ATF6: variants seen among roughly 807,000 people sequenced by gnomAD.
ATF6 encodes the protein cyclic AMP-dependent transcription factor ATF-6 alpha.
Under a neutral mutation model 83.6 loss-of-function variants are expected in ATF6, and 53 were observed. The observed-to-expected ratio is 0.63, with a 90% CI of 0.51 to 0.80. The LOEUF (loss-of-function observed/expected upper bound fraction) is 0.80. ATF6 is among the 30% of genes least tolerant of loss of function. ATF6 has a pLI of 0.00. For missense variants in ATF6, 744 were observed against 797.9 expected (o/e 0.93, Z 0.81); for synonymous variants, 288 against 285.8 (o/e 1.01, Z -0.08).
intron 9 of ATF6, among the ~76,000 whole-genome samples, chr1:161,835,907 A>T (rs1369226345): frequency 6.6e-6 from 1 of 152,198 alleles, no homozygotes; most frequent in Admixed American, 6.5e-5. Flanking sequence ...GTTAGGTCTT[A>T]AAAAAATTAA....
intron 9 of ATF6, among the ~76,000 whole-genome samples, chr1:161,824,455 A>G (rs1415730391): frequency 6.7e-6 from 1 of 150,350 alleles, no homozygotes; most frequent in Non-Finnish European, 1.5e-5. Flanking sequence ...CTAAATGTCT[A>G]TCCCAGCTCC....
At chr1:161,766,487 C>G in intron 1 of ATF6, 45 bp downstream of exon 1, 2 of 1,584,940 alleles carry the variant, frequency 1.3e-6, no homozygotes, top group Middle Eastern at 1.7e-4. Context: ...GGGTTCGCGT[C>G]TAAAGGTTTC....
chr1:161,857,918 A>G (rs935948317), intron 12 of ATF6, among the ~76,000 whole-genome samples: 45 of 152,308 alleles, frequency 3.0e-4, no homozygotes, highest in Middle Eastern at 3.4e-3. Context: ...TATAATCTCT[A>G]GAGCAACTAC....
chr1:161,802,083 G>A lies in ATF6; in HGVS notation c.720G>A (p.Val240=). 1.2e-6 allele frequency: 2 copies of A among 1,614,004 alleles called. No individual in the cohort carries two copies. The highest frequency in any genetic ancestry group is 1.7e-6 in the Non-Finnish European group (2 of 1,179,968). Residue 240 remains valine, a synonymous_variant, in exon 7 of 16, where the codon GTG becomes GTA. Transcript: ENST00000367942. ...GQTVLLSQPT[V]VQLQAPGVLP... is the part of the protein sequence containing the mutation. ...CGGTTTTGCTGTCTCAGCCTACTGT[G>A]GTACAACTTCAAGCACCTGGAGTTC...
intron 14 of ATF6, among the ~76,000 whole-genome samples, chr1:161,885,478 TGAAGCTGTATGCTATTGATGGGAGGA>T (rs1687401097): frequency 6.6e-6 from 1 of 152,170 alleles, no homozygotes; most frequent in Admixed American, 6.6e-5. Flanking sequence ...AAGCAGAATG[TGAAGCTGTATGCTATTGATGGGAGGA>T]AAAAAGAAAT....
intron 9 of ATF6, among the ~76,000 whole-genome samples, chr1:161,825,419 C>G (rs192609793): frequency 6.6e-6 from 1 of 152,174 alleles, no homozygotes; most frequent in Admixed American, 6.5e-5. Flanking sequence ...AAAGACTGCC[C>G]CTGACTTCAG....
intron 14 of ATF6, among the ~76,000 whole-genome samples, chr1:161,870,147 G>A (rs1044373503): frequency 4.0e-5 from 6 of 151,588 alleles, no homozygotes; most frequent in Admixed American, 3.9e-4. Flanking sequence ...TGAAAAATCT[G>A]CTGGACAGTT....
chr1:161,871,523 A>G (rs1351386027), intron 14 of ATF6, among the ~76,000 whole-genome samples: 9 of 151,688 alleles, frequency 5.9e-5, no homozygotes, highest in Non-Finnish European at 4.4e-5. Context: ...GTAGGATTTA[A>G]TGATTGATAG....
chr1:161,892,207 G>T (rs1215883069), intron 14 of ATF6: 2 of 152,162 alleles, frequency 1.3e-5, no homozygotes, highest in Non-Finnish European at 2.9e-5. Context: ...TGGCCTGAGT[G>T]TGCTTATCTG....
intron 14 of ATF6, among the ~76,000 whole-genome samples, chr1:161,910,545 T>C (rs2101887254): frequency 6.6e-6 from 1 of 152,364 alleles, no homozygotes. Flanking sequence ...ATGGCATCTG[T>C]ATCTTAGCAG....
At chr1:161,947,366 C>A (rs184639958) in intron 15 of ATF6, among the ~76,000 whole-genome samples, 2 of 152,126 alleles carry the variant, frequency 1.3e-5, no homozygotes, top group South Asian at 4.1e-4. Flanking sequence ...GATTAGATGT[C>A]GAGGGTAATC....
rs985684459 is a variant in ATF6, at chr1:161,962,916, G to A, written c.*4262G>A. The A allele has an allele frequency of 1.2e-4, 19 of 152,142 alleles. No homozygotes were observed. The highest frequency in any genetic ancestry group is 4.6e-4 in the African/African-American group (19 of 41,418). The allele number at this position is 152,142 out of a possible 1,614,324, so 9.4% of individuals were successfully genotyped here. A position where few individuals can be genotyped will look rare whatever the true frequency, so the allele number is the denominator to read the frequency against. ...GAGTCATTTTAACTTACAGAAATTA[G>A]GATTGTTGCTGCTAATATGAATACC... On this transcript the variant is annotated 3_prime_UTR_variant, in exon 16 of 16. Coordinates refer to ENST00000367942, the MANE Select transcript of ATF6 (RefSeq NM_007348.4).
intron 14 of ATF6, among the ~76,000 whole-genome samples, chr1:161,900,121 T>A (rs550401247): frequency 6.6e-6 from 1 of 152,318 alleles, no homozygotes; most frequent in African/African-American, 2.4e-5. Context: ...TTGCATAAAT[T>A]ATCTTACTTG....
intron 12 of ATF6, among the ~76,000 whole-genome samples, chr1:161,859,302 T>C (rs1232286415): frequency 6.6e-6 from 1 of 152,218 alleles, no homozygotes; most frequent in African/African-American, 2.4e-5. Context: ...TTTTCTTTTC[T>C]CCCTTAAACT....
intron 1 of ATF6, among the ~76,000 whole-genome samples, chr1:161,773,820 G>A (rs1366089277): frequency 1.3e-5 from 2 of 152,190 alleles, no homozygotes; most frequent in Non-Finnish European, 2.9e-5. Context: ...TGGGGTAACT[G>A]ATGCTAACAG....
intron 15 of ATF6, among the ~76,000 whole-genome samples, chr1:161,921,554 A>G (rs571629488): frequency 6.6e-6 from 1 of 152,328 alleles, no homozygotes; most frequent in East Asian, 1.9e-4. Context: ...TGATTTATAA[A>G]GGAGAGAGAA....
Position 161,792,426 on chromosome 1 carries a change from G to C in ATF6, c.688+99G>C, listed in dbSNP as rs777679935. Reference sequence around the variant, plus strand: ...AATTCAGGTTATAATTTCTGAGCACGTGCTGTTTGTCAGGAATGTCTTTGG... The same window carrying C: ...AATTCAGGTTATAATTTCTGAGCACCTGCTGTTTGTCAGGAATGTCTTTGG... On this transcript the variant is annotated intron_variant, in intron 6 of 15. Transcript: ENST00000367942. 3.0e-5 allele frequency: 35 copies of C among 1,172,584 alleles called. 1 individual carries two copies. The highest frequency in any genetic ancestry group is 4.0e-5 in the Non-Finnish European group (33 of 818,944). 72.6% of individuals were successfully genotyped at this position (1,172,584 alleles called of 1,614,324 possible).
At chr1:161,927,252 C>G (rs1234715049) in intron 15 of ATF6, among the ~76,000 whole-genome samples, 1 of 152,232 alleles carries the variant, frequency 6.6e-6, no homozygotes, top group Non-Finnish European at 1.5e-5. Context: ...AGATCTCAGA[C>G]CTTTAGGTCT....
At chr1:161,831,597 A>C (rs1057185148) in intron 9 of ATF6, among the ~76,000 whole-genome samples, 9 of 152,172 alleles carry the variant, frequency 5.9e-5, no homozygotes, top group African/African-American at 2.2e-4. Flanking sequence ...CATATACACC[A>C]TGGAATACTA....
Sources: allele counts gnomAD v4.1 joint callset (sites outside exome capture counted in the v4.1 genomes callset), GRCh38; gene constraint gnomAD v4.1.1; transcripts MANE v1.5; gene names NCBI Gene and HGNC (gene_info 2026-07-23, HGNC 2026-07-21).